HS6ST3: variants seen among roughly 807,000 people sequenced by gnomAD.
HS6ST3 encodes heparan sulfate 6-O-sulfotransferase 3, also known as heparan-sulfate 6-O-sulfotransferase 3.
In HS6ST3, 12 loss-of-function variants were observed where a neutral mutation model predicts 36.7. That is an observed-to-expected ratio of 0.33 (90% CI 0.21 to 0.53). The LOEUF is 0.53. HS6ST3 is among the 20% of genes least tolerant of loss of function. The pLI is 0.95. For missense variants in HS6ST3, 584 were observed against 640.9 expected (o/e 0.91, Z 0.96); for synonymous variants, 240 against 257.5 (o/e 0.93, Z 0.65).
intron 1 of HS6ST3, among the ~76,000 whole-genome samples, chr13:96,570,751 C>T (rs1229199191): frequency 1.3e-5 from 2 of 152,172 alleles, no homozygotes; most frequent in Admixed American, 6.5e-5. Flanking sequence ...CAAGGAATAA[C>T]ACAGTGACTC....
chr13:96,198,689 A>G (rs1481839690), intron 1 of HS6ST3, among the ~76,000 whole-genome samples: 3 of 152,144 alleles, frequency 2.0e-5, no homozygotes, highest in African/African-American at 4.8e-5. Flanking sequence ...CCTCATCTCC[A>G]TCTGAGACCA....
At chr13:96,670,414 G>A (rs1220999441) in intron 1 of HS6ST3, among the ~76,000 whole-genome samples, 1 of 152,120 alleles carries the variant, frequency 6.6e-6, no homozygotes, top group Non-Finnish European at 1.5e-5. Flanking sequence ...ACAGAGAACA[G>A]GGTGAGAGCA....
chr13:96,339,721 AC>A lies in HS6ST3; in HGVS notation c.707+248154del, dbSNP rs578049149. ...TCAGACAATCCCTAGGCCTCCCCAG[AC>A]CACCCCCATCAATTGGGAGTAACAG... On this transcript the variant is annotated intron_variant, in intron 1 of 1. Transcript: ENST00000376705. Among the ~76,000 whole-genome samples the A allele has an allele frequency of 6.4e-4, 97 of 152,280 alleles. 1 individual carries two copies. Among genetic ancestry groups the A allele is most frequent in the Non-Finnish European group, 1.2e-3 (84 of 68,016 alleles).
chr13:96,492,987 A>C (rs999206129), intron 1 of HS6ST3, among the ~76,000 whole-genome samples: 14 of 152,150 alleles, frequency 9.2e-5, no homozygotes, highest in African/African-American at 1.2e-4. Context: ...GGCCAAGGGC[A>C]CTCTGCCAAT....
intron 1 of HS6ST3, among the ~76,000 whole-genome samples, chr13:96,139,047 T>G (rs1259992224): frequency 6.6e-6 from 1 of 152,302 alleles, no homozygotes; most frequent in Middle Eastern, 3.4e-3. Flanking sequence ...TTAGGCGATC[T>G]AAGTATACAG....
At chr13:96,210,757 C>G (rs1336877057) in intron 1 of HS6ST3, among the ~76,000 whole-genome samples, 1 of 151,630 alleles carries the variant, frequency 6.6e-6, no homozygotes, top group East Asian at 1.9e-4. Context: ...TAATGCCCAG[C>G]TAATTTTTGT....
intron 1 of HS6ST3, among the ~76,000 whole-genome samples, chr13:96,492,748 T>G (rs899496911): frequency 1.1e-4 from 17 of 152,216 alleles, no homozygotes; most frequent in Admixed American, 6.5e-4. Context: ...CAGGAAGTAC[T>G]GTAGCTTCCT....
chr13:96,708,624 C>T (rs997939665), intron 1 of HS6ST3, among the ~76,000 whole-genome samples: 3 of 152,166 alleles, frequency 2.0e-5, no homozygotes, highest in Non-Finnish European at 4.4e-5. Context: ...AGCTTTCATG[C>T]ACAGCCTGAA....
intron 1 of HS6ST3, among the ~76,000 whole-genome samples, chr13:96,397,867 G>A (rs1213615028): frequency 1.6e-5 from 2 of 123,142 alleles, no homozygotes; most frequent in African/African-American, 3.1e-5. Flanking sequence ...TCTAGACCAG[G>A]TACCACTATC....
At chr13:96,641,406 C>A (rs1214554550) in intron 1 of HS6ST3, among the ~76,000 whole-genome samples, 1 of 151,678 alleles carries the variant, frequency 6.6e-6, no homozygotes, top group Non-Finnish European at 1.5e-5. Flanking sequence ...TTATCAGAGC[C>A]AGGAGCCTTC....
intron 1 of HS6ST3, among the ~76,000 whole-genome samples, chr13:96,437,660 AG>A (rs2052778254): frequency 6.6e-6 from 1 of 152,216 alleles, no homozygotes; most frequent in African/African-American, 2.4e-5. Context: ...TTCAGAAATG[AG>A]GGGGACATTT....
intron 1 of HS6ST3, among the ~76,000 whole-genome samples, chr13:96,433,401 G>T (rs2055625912): frequency 6.6e-6 from 1 of 152,130 alleles, no homozygotes; most frequent in Admixed American, 6.5e-5. Flanking sequence ...ATGTGTCAAG[G>T]GTAAGGTCAG....
At chr13:96,522,938 T>C (rs1252379682) in intron 1 of HS6ST3, among the ~76,000 whole-genome samples, 2 of 152,224 alleles carry the variant, frequency 1.3e-5, no homozygotes, top group Non-Finnish European at 2.9e-5. Flanking sequence ...CGTTAGTTGA[T>C]GCAGTTTCTT....
At chr13:96,184,394 A>G (rs2054255730) in intron 1 of HS6ST3, among the ~76,000 whole-genome samples, 1 of 152,104 alleles carries the variant, frequency 6.6e-6, no homozygotes, top group Non-Finnish European at 1.5e-5. Flanking sequence ...CTTACAAAAC[A>G]TTCAGCTACT....
chr13:96,212,715 T>G (rs562629639), intron 1 of HS6ST3, among the ~76,000 whole-genome samples: 1 of 152,104 alleles, frequency 6.6e-6, no homozygotes, highest in African/African-American at 2.4e-5. Context: ...TGGCTGATAC[T>G]TTTTTGGGGG....
intron 1 of HS6ST3, among the ~76,000 whole-genome samples, chr13:96,652,217 T>C (rs1313403999): frequency 6.6e-6 from 1 of 152,072 alleles, no homozygotes; most frequent in Non-Finnish European, 1.5e-5. Context: ...TTATATATAA[T>C]TTCTGTAGCT....
chr13:96,228,614 A>G (rs1020743806), intron 1 of HS6ST3, among the ~76,000 whole-genome samples: 3 of 152,168 alleles, frequency 2.0e-5, no homozygotes, highest in African/African-American at 7.2e-5. Context: ...GAAATATAAA[A>G]ATGTTCTTAG....
At chr13:96,724,926 C>A (rs569613608) in intron 1 of HS6ST3, among the ~76,000 whole-genome samples, 8 of 152,286 alleles carry the variant, frequency 5.3e-5, no homozygotes, top group Non-Finnish European at 7.4e-5. Context: ...ATATGTTTAA[C>A]TTTTTCAGAA....
chr13:96,533,052 A>G (rs142591492), intron 1 of HS6ST3, among the ~76,000 whole-genome samples: 19 of 152,342 alleles, frequency 1.2e-4, no homozygotes, highest in African/African-American at 4.6e-4. Flanking sequence ...CATAAGATGC[A>G]TACTTAATGT....
Sources: allele counts gnomAD v4.1 joint callset (sites outside exome capture counted in the v4.1 genomes callset), GRCh38; gene constraint gnomAD v4.1.1; transcripts MANE v1.5; gene names NCBI Gene and HGNC (gene_info 2026-07-23, HGNC 2026-07-21).